The following ATP8A2 variants were observed in gnomAD, a reference collection of about 807,000 sequenced individuals.
ATP8A2 encodes the protein ATPase phospholipid transporting 8A2.
In ATP8A2, 100 loss-of-function variants were observed where a neutral mutation model predicts 165.6. The observed-to-expected ratio is 0.60, with a 90% confidence interval of 0.51 to 0.71. The LOEUF (loss-of-function observed/expected upper bound fraction) is 0.71, where lower values mean the gene tolerates loss of function less well. Among genes scored for constraint, ATP8A2 ranks in the 30% least tolerant of loss-of-function variants. The pLI, the probability that ATP8A2 is intolerant of heterozygous loss-of-function variation, is 0.00. For synonymous variants in ATP8A2, 543 were observed against 548.8 expected (o/e 0.99, Z 0.15); for missense variants, 1,227 against 1,479.5 (o/e 0.83, Z 2.80).
chr13:25,662,679 A>T (rs905019793), intron 24 of ATP8A2, among the ~76,000 whole-genome samples: 1 of 152,194 alleles, frequency 6.6e-6, no homozygotes, highest in Non-Finnish European at 1.5e-5. Flanking sequence ...GAGTAATCCA[A>T]TCTGGGGGTG....
intron 24 of ATP8A2, among the ~76,000 whole-genome samples, chr13:25,612,812 G>A (rs1001540662): frequency 6.6e-6 from 1 of 152,070 alleles, no homozygotes; most frequent in Non-Finnish European, 1.5e-5. Flanking sequence ...AAATTTGGGA[G>A]CTCCAGTGTT....
intron 36 of ATP8A2, among the ~76,000 whole-genome samples, chr13:26,017,069 G>A (rs1030137296): frequency 1.2e-4 from 18 of 152,200 alleles, no homozygotes; most frequent in African/African-American, 4.3e-4. Flanking sequence ...ATGAAAACAA[G>A]CGAGTGGAGA....
chr13:25,466,865 T>A (rs1248008257), intron 1 of ATP8A2, among the ~76,000 whole-genome samples: 1 of 152,076 alleles, frequency 6.6e-6, no homozygotes, highest in Admixed American at 6.6e-5. Flanking sequence ...CATCCATAAA[T>A]AAAATCAGGT....
chr13:25,848,763 A>G (rs935698830), intron 30 of ATP8A2, among the ~76,000 whole-genome samples: 1 of 152,192 alleles, frequency 6.6e-6, no homozygotes, highest in African/African-American at 2.4e-5. Flanking sequence ...GATACTTTAT[A>G]CTACTTTTTA....
At chr13:25,526,161 A>G (rs570348929) in intron 2 of ATP8A2, among the ~76,000 whole-genome samples, 61 of 151,842 alleles carry the variant, frequency 4.0e-4, no homozygotes, top group African/African-American at 1.4e-3. Flanking sequence ...TACTATTTCA[A>G]TCTCTTCATG....
At chr13:25,509,809 C>T (rs988707206) in intron 2 of ATP8A2, among the ~76,000 whole-genome samples, 2 of 152,080 alleles carry the variant, frequency 1.3e-5, no homozygotes, top group African/African-American at 2.4e-5. Flanking sequence ...AATACCAGTA[C>T]ATTGTGTTTT....
intron 2 of ATP8A2, among the ~76,000 whole-genome samples, chr13:25,528,392 C>T (rs753816406): frequency 1.2e-4 from 18 of 152,138 alleles, no homozygotes; most frequent in African/African-American, 3.6e-4. Flanking sequence ...TTGTGAAATG[C>T]GAGGCCATTG....
intron 27 of ATP8A2, among the ~76,000 whole-genome samples, chr13:25,803,129 A>T (rs1321434749): frequency 6.6e-6 from 1 of 152,180 alleles, no homozygotes; most frequent in African/African-American, 2.4e-5. Context: ...ACTCTGTGGT[A>T]TCTATGTGTG....
chr13:25,682,290 C>A (rs1008235825), intron 24 of ATP8A2, among the ~76,000 whole-genome samples: 8 of 152,092 alleles, frequency 5.3e-5, no homozygotes, highest in African/African-American at 7.2e-5. Context: ...TGCCTCCCCC[C>A]TCCTCTGCAA....
At chr13:25,704,292 C>T (rs2043010146) in intron 25 of ATP8A2, among the ~76,000 whole-genome samples, 1 of 151,692 alleles carries the variant, frequency 6.6e-6, no homozygotes, top group South Asian at 2.1e-4. Flanking sequence ...CCAGCGTGGC[C>T]CCTCACTTCA....
chr13:25,408,697 C>G (rs1157992233), intron 1 of ATP8A2, among the ~76,000 whole-genome samples: 1 of 151,870 alleles, frequency 6.6e-6, no homozygotes, highest in Non-Finnish European at 1.5e-5. Flanking sequence ...CCAAAATAAT[C>G]TTGGCCTTAT....
intron 24 of ATP8A2, among the ~76,000 whole-genome samples, chr13:25,644,808 A>C (rs748013584): frequency 6.6e-6 from 1 of 152,136 alleles, no homozygotes; most frequent in Non-Finnish European, 1.5e-5. Flanking sequence ...AAATTTATCC[A>C]CTTATTCTAG....
intron 23 of ATP8A2, among the ~76,000 whole-genome samples, chr13:25,584,090 C>A (rs2039852575): frequency 1.3e-5 from 2 of 152,132 alleles, no homozygotes; most frequent in African/African-American, 2.4e-5. Context: ...CAATTGATTT[C>A]TTTGAGAGAG....
In ATP8A2 at chr13:25,372,869, G is replaced by A. The variant is rs2032473720; in HGVS notation, c.76+581G>A. On this transcript the variant is annotated intron_variant, in intron 1 of 36. Transcript: ENST00000381655. This position sits in a 1 kb window ranked among gnomAD's most constrained non-coding sequence, Gnocchi z 4.8. ...ACCATCTGGAGACGAACACACACAC[G>A]CACACGCGCGCGCACACACACACAC... is the stretch of plus-strand genomic sequence containing the variant. Among the ~76,000 whole-genome samples, 2 of 151,916 alleles carry A rather than the reference G, an allele frequency of 1.3e-5. No homozygotes were observed. Among genetic ancestry groups the A allele is most frequent in the Admixed American group, 1.3e-4 (2 of 15,254 alleles).
chr13:25,508,117 T>C (rs76608605), intron 2 of ATP8A2, among the ~76,000 whole-genome samples: 9,001 of 152,242 alleles, frequency 0.059, 337 homozygotes, highest in South Asian at 0.13. Flanking sequence ...GGCAGGAATA[T>C]GCATGCAAAT....
At chr13:25,541,514 C>A (rs1593496406) in intron 8 of ATP8A2, among the ~76,000 whole-genome samples, 2 of 152,072 alleles carry the variant, frequency 1.3e-5, no homozygotes, top group Admixed American at 6.5e-5. Context: ...CAGAGTGAGA[C>A]CCTGTCTCTT....
chr13:25,544,415 A>G (rs2038579144), intron 10 of ATP8A2, among the ~76,000 whole-genome samples: 1 of 152,226 alleles, frequency 6.6e-6, no homozygotes, highest in African/African-American at 2.4e-5. Flanking sequence ...AGGTCAAATG[A>G]TAGTCAGATG....
Position 25,980,116 on chromosome 13 carries a change from G to T in ATP8A2, c.3377+11437G>T, listed in dbSNP as rs147650553. ...TAATTTATCAAGCATGGGGAATTCA[G>T]CAAGACCTGTCTGTTGTGACTCTGG... On this transcript the variant is annotated intron_variant, in intron 35 of 36. Transcript: ENST00000381655. Among the ~76,000 whole-genome samples the T allele has an allele frequency of 6.5e-3, 984 of 152,300 alleles. 5 individuals are homozygous for T. The highest frequency in any genetic ancestry group is 0.027 in the Middle Eastern group (8 of 294).
Position 25,738,358 on chromosome 13 carries a change from ACTT to A in ATP8A2, c.2385-30682_2385-30680del, listed in dbSNP as rs1331287648. On this transcript the variant is annotated intron_variant, in intron 25 of 36. Coordinates refer to ENST00000381655, the MANE Select transcript of ATP8A2 (RefSeq NM_016529.6). ...GCCCCCCTCCCCCCCCCCCACACAC[ACTT>A]CTTCTGGTAGTTGCTGTAGTTTAAT... Among the ~76,000 whole-genome samples, 4 of 88,874 alleles carry A rather than the reference ACTT, an allele frequency of 4.5e-5. No individual in the cohort carries two copies. The East Asian group carries it at 1.3e-3, about 30-fold the overall frequency. The allele number at this position is 88,874 out of a possible 152,430, so 58.3% of individuals were successfully genotyped here.
Sources: gnomAD v4.1 joint callset for allele counts (sites outside exome capture counted in the v4.1 genomes callset) on GRCh38, gnomAD v4.1.1 for gene constraint, Gnocchi (gnomAD v3.1) non-coding constraint, MANE v1.5 for transcripts, NCBI Gene and HGNC (gene_info 2026-07-23, HGNC 2026-07-21) for gene names.